Variants in MSL1 observed in about 807,000 individuals in gnomAD.
The protein encoded by MSL1 is male-specific lethal 1 homolog.
MSL1 carries 21 observed loss-of-function variants against 64.6 expected under a neutral mutation model. That is an observed-to-expected ratio of 0.33 (90% CI 0.23 to 0.47). The LOEUF (loss-of-function observed/expected upper bound fraction) is 0.47, where lower values mean the gene tolerates loss of function less well. MSL1 is among the 20% of genes least tolerant of loss of function. The pLI is 1.00. For missense variants in MSL1, 664 were observed against 793.2 expected, an observed-to-expected ratio of 0.84 and a Z score of 1.96; for synonymous variants, 339 against 329.6, an observed-to-expected ratio of 1.03 and a Z score of -0.31.
In MSL1 at chr17:40,135,597, G is replaced by A. The variant is rs1186367980; in HGVS notation, c.*1228G>A. 1.3e-5 allele frequency: 2 copies of A among 152,338 alleles called. No individual in the cohort carries two copies. Among genetic ancestry groups the A allele is most frequent in the Admixed American group, 6.6e-5 (1 of 15,264 alleles). 9.4% of individuals were successfully genotyped at this position (152,338 alleles called of 1,614,324 possible). Reference sequence around the variant, plus strand: ...TATCCTTAAAGAGAATATGTCCCCAGATTATTAGCACTTTTAGAGGAGAAG... The same window carrying A: ...TATCCTTAAAGAGAATATGTCCCCAAATTATTAGCACTTTTAGAGGAGAAG... On this transcript the variant is annotated 3_prime_UTR_variant, in exon 9 of 9. Transcript: ENST00000398532.
rs773739124 is a variant in MSL1 at position 40,126,319 on chromosome 17, T to C, written c.905T>C (p.Leu302Pro). 5.6e-6 allele frequency: 9 copies of C among 1,613,894 alleles called. No homozygotes were observed. Among genetic ancestry groups the C allele is most frequent in the Non-Finnish European group, 7.6e-6 (9 of 1,179,902 alleles). The change falls in exon 2 of 9, where the codon CTG becomes CCG. Residue 302 changes from leucine to proline, a missense_variant. Physicochemically the swap from Leu to Pro is moderately conservative, Grantham distance 98. Around this residue, in one of 4 missense-constraint regions of MSL1, gnomAD observed 466 missense variants for 499.0 expected, o/e 0.93. Coordinates refer to ENST00000398532, the MANE Select transcript of MSL1 (RefSeq NM_001365919.1). The part of the protein sequence containing the change: ...EETELSEKIK[L>P]ECQPELSETS... ...ACAGAGCTATCTGAGAAAATTAAAC[T>C]GGAGTGCCAGCCGGAGCTTTCCGAG...
intron 6 of MSL1, 45 bp downstream of exon 6, chr17:40,133,154 C>T (rs372881919): frequency 2.6e-6 from 4 of 1,540,884 alleles, no homozygotes; most frequent in Middle Eastern, 3.3e-4. Context: ...AGCCCTAGGA[C>T]CTAGGACAGA....
rs969180828 is a variant in MSL1 at position 40,131,613 on chromosome 17, G to T, written c.1423+29G>T. 3 of 1,610,220 alleles carry T rather than the reference G, an allele frequency of 1.9e-6. No homozygotes were observed. The highest frequency in any genetic ancestry group is 2.5e-6 in the Non-Finnish European group (3 of 1,176,660). On this transcript the variant is annotated intron_variant, in intron 4 of 8. Transcript: ENST00000398532. The surrounding 1 kb of genome is among the most constrained non-coding windows in gnomAD (Gnocchi z 4.5). ...AGTAGAATAGGAATTGTGCTGGCTG[G>T]GCCTGGGGTGGGGGTTGGTGGGATG...
chr17:40,133,751 A>T, intron 7 of MSL1, 76 bp from the exon 8 acceptor site: 1 of 1,610,662 alleles, frequency 6.2e-7, no homozygotes. Context: ...AATGAAGTGT[A>T]TTTTGGAGCA....
chr17:40,133,139 A>C (rs376173138), intron 6 of MSL1, 30 bp downstream of exon 6: 2 of 1,583,452 alleles, frequency 1.3e-6, no homozygotes, highest in African/African-American at 2.7e-5. Context: ...TCCTGGAAAC[A>C]ACTGAGCCCT....
Position 40,122,725 on chromosome 17 carries a change from C to G in MSL1, c.113C>G (p.Pro38Arg). Residue 38 changes from proline (P) to arginine (R), a missense_variant, in exon 1 of 9, where the codon CCT becomes CGT. Physicochemically the swap from Pro to Arg is moderately radical, Grantham distance 103. Coordinates refer to ENST00000398532, the MANE Select transcript of MSL1 (RefSeq NM_001365919.1). The surrounding 1 kb of genome is among the most constrained non-coding windows in gnomAD (Gnocchi z 4.2). ...GCGCTGGGCGGGCCCGAGGACGAGC[C>G]TGGGGCGGCCGAAGCCCACTTCCTC... ...AAALGGPEDE[P>R]GAAEAHFLPR... The G allele has an allele frequency of 6.8e-7, 1 of 1,462,184 alleles. No individual in the cohort carries two copies. Among genetic ancestry groups the G allele is most frequent in the Non-Finnish European group, 9.0e-7 (1 of 1,115,430 alleles). 90.6% of individuals were successfully genotyped at this position (1,462,184 alleles called of 1,614,324 possible).
rs772867296 is a variant in MSL1 at position 40,129,582 on chromosome 17, T to G, written c.1330T>G (p.Leu444Val). The change falls in exon 3 of 9, where the codon TTA (leucine) becomes GTA (valine). Residue 444 changes from leucine (L) to valine (V), a missense_variant. Around this residue, in one of 4 missense-constraint regions of MSL1, gnomAD observed 119 missense variants for 164.3 expected, o/e 0.72. Coordinates refer to ENST00000398532, the MANE Select transcript of MSL1 (RefSeq NM_001365919.1). ...TTGGCACCAGCCTCCCCCATCACCG[T>G]TACCATTACGGGAATCCTCTCCAAA... is the stretch of plus-strand genomic sequence containing the variant. The part of the protein sequence containing the change: ...CRWHQPPPSP[L>V]PLRESSPKKE... 1 of 1,612,692 alleles carries G rather than the reference T, an allele frequency of 6.2e-7. No homozygotes were observed. The highest frequency in any genetic ancestry group is 1.7e-5 in the Admixed American group (1 of 59,814).
chr17:40,132,113 GCACT>G lies in MSL1; in HGVS notation c.1488+18_1488+21del. ...ACCTTTTGGAGGTAGGTAACCAAGAGCACTCAATTGAAGAGAGTAAGAGATTAAA... is the reference window on the plus strand; with the variant it reads ...ACCTTTTGGAGGTAGGTAACCAAGAGCAATTGAAGAGAGTAAGAGATTAAA... On this transcript the variant is annotated intron_variant, in intron 5 of 8. Transcript: ENST00000398532. 1 of 1,572,828 alleles carries G rather than the reference GCACT, an allele frequency of 6.4e-7. No homozygotes were observed. The highest frequency in any genetic ancestry group is 8.7e-7 in the Non-Finnish European group (1 of 1,150,192).
chr17:40,126,475 T>C lies in MSL1; in HGVS notation c.992+69T>C, dbSNP rs1256318235. On this transcript the variant is annotated intron_variant, in intron 2 of 8. Coordinates refer to ENST00000398532, the MANE Select transcript of MSL1 (RefSeq NM_001365919.1). ...ATTGAGAGTAGGAGATTGGGATTTA[T>C]GAATTGGTTTTATAGCAATCATAAC... 3 of 1,424,336 alleles carry C rather than the reference T, an allele frequency of 2.1e-6. No individual in the cohort carries two copies. The African/African-American group carries it at 4.3e-5, about 20-fold the overall frequency. The allele number at this position is 1,424,336 out of a possible 1,614,324, so 88.2% of individuals were successfully genotyped here. A position where few individuals can be genotyped will look rare whatever the true frequency, so the allele number is the denominator to read the frequency against.
chr17:40,129,159 C>A, intron 2 of MSL1, 86 bp from the exon 3 acceptor site: 1 of 1,190,532 alleles, frequency 8.4e-7, no homozygotes, highest in Non-Finnish European at 1.2e-6. Context: ...AAAGAACCAG[C>A]TTATTCTTTT....
At chr17:40,133,436 T>A in intron 6 of MSL1, 98 bp from the exon 7 acceptor site, 5 of 1,445,280 alleles carry the variant, frequency 3.5e-6, no homozygotes, top group Non-Finnish European at 4.6e-6. Context: ...AGCAAGGGTC[T>A]TCCTAGCATC....
intron 3 of MSL1, chr17:40,130,135 T>C (rs1988410798): frequency 6.6e-6 from 1 of 152,580 alleles, no homozygotes; most frequent in Non-Finnish European, 1.5e-5. Context: ...TTTATCTGTA[T>C]ATCTATGTCC....
In MSL1 at chr17:40,133,628, G is replaced by C; in HGVS notation, c.1651G>C (p.Val551Leu). 6.2e-7 allele frequency: 1 copy of C among 1,613,726 alleles called. No individual in the cohort carries two copies. The highest frequency in any genetic ancestry group is 8.5e-7 in the Non-Finnish European group (1 of 1,179,766). ...KKGIQESEPE[V>L]TSFFPEPDDV... ...AGGAATTCAGGAATCTGAGCCTGAG[G>C]TTACCTCATTTTTCCCTGAGCCAGA... The change falls in exon 7 of 9, where the codon GTT (valine) becomes CTT (leucine). Residue 551 changes from valine to leucine, a missense_variant. Physicochemically the swap from Val to Leu is conservative, Grantham distance 32. Transcript: ENST00000398532.
intron 5 of MSL1, 86 bp downstream of exon 5, chr17:40,132,184 G>T: frequency 2.2e-6 from 2 of 917,986 alleles, no homozygotes; most frequent in Non-Finnish European, 3.3e-6. Flanking sequence ...TAGTACTATG[G>T]ATGAATTAAA....
chr17:40,129,152 GA>G (rs1304143238), intron 2 of MSL1, 92 bp from the exon 3 acceptor site: 11 of 1,138,020 alleles, frequency 9.7e-6, no homozygotes, highest in Non-Finnish European at 1.4e-5. Flanking sequence ...TGGGGCAAAA[GA>G]ACCAGCTTAT....
chr17:40,130,524 G>A (rs894496231), intron 3 of MSL1, among the ~76,000 whole-genome samples: 2 of 152,172 alleles, frequency 1.3e-5, no homozygotes, highest in African/African-American at 4.8e-5. Flanking sequence ...GGCCTTCTAG[G>A]ATAGAGCCGC....
At chr17:40,127,846 C>T (rs1025165449) in intron 2 of MSL1, among the ~76,000 whole-genome samples, 6 of 152,138 alleles carry the variant, frequency 3.9e-5, no homozygotes, top group Admixed American at 2.0e-4. Flanking sequence ...GAAGTATAGC[C>T]GGGTGCGGTG....
Position 40,122,729 on chromosome 17 carries a change from G to A in MSL1, c.117G>A (p.Gly39=). 2 of 1,460,098 alleles carry A rather than the reference G, an allele frequency of 1.4e-6. No individual in the cohort carries two copies. Among genetic ancestry groups the A allele is most frequent in the Non-Finnish European group, 1.8e-6 (2 of 1,114,248 alleles). 90.4% of individuals were successfully genotyped at this position (1,460,098 alleles called of 1,614,324 possible). Residue 39 remains glycine (G), a synonymous_variant, in exon 1 of 9, where the codon GGG becomes GGA. Coordinates refer to ENST00000398532, the MANE Select transcript of MSL1 (RefSeq NM_001365919.1). This position sits in a 1 kb window ranked among gnomAD's most constrained non-coding sequence, Gnocchi z 4.2. ...AALGGPEDEP[G]AAEAHFLPRH... ...TGGGCGGGCCCGAGGACGAGCCTGG[G>A]GCGGCCGAAGCCCACTTCCTCCCCC...
At position 40,131,376 on chromosome 17, in the gene MSL1, G is replaced by T. The variant is rs1988433795; in HGVS notation, c.1376-161G>T. The T allele has an allele frequency of 3.4e-6, 2 of 582,756 alleles. No homozygotes were observed. Among genetic ancestry groups the T allele is most frequent in the Non-Finnish European group, 6.2e-6 (2 of 325,094 alleles). The allele number at this position is 582,756 out of a possible 1,614,324, so 36.1% of individuals were successfully genotyped here. A position where few individuals can be genotyped will look rare whatever the true frequency, so the allele number is the denominator to read the frequency against. ...CTTATTTTCTTTTCTTTTGTCTGTT[G>T]TTCCCTCTTCCCCTCCCCCAGAGAG... On this transcript the variant is annotated intron_variant, in intron 3 of 8. Transcript: ENST00000398532. The surrounding 1 kb of genome is among the most constrained non-coding windows in gnomAD (Gnocchi z 4.5).
Sources: gnomAD v4.1 joint callset for allele counts (sites outside exome capture counted in the v4.1 genomes callset) on GRCh38, gnomAD v4.1.1 for gene constraint, gnomAD v4.1.1 regional missense constraint, Gnocchi (gnomAD v3.1) non-coding constraint, MANE v1.5 for transcripts, NCBI Gene and HGNC (gene_info 2026-07-23, HGNC 2026-07-21) for gene names.